Variants in RNF180 observed in about 807,000 individuals in gnomAD.
RNF180 encodes the protein E3 ubiquitin-protein ligase RNF180.
Under a neutral mutation model 59.2 loss-of-function variants are expected in RNF180, and 38 were observed. The observed-to-expected ratio is 0.64, with a 90% CI of 0.50 to 0.84. RNF180 has a LOEUF of 0.84. RNF180 is among the 40% of genes least tolerant of loss of function. RNF180 has a pLI of 0.00. For missense variants in RNF180, 705 were observed against 700.9 expected (o/e 1.01, Z -0.07); for synonymous variants, 262 against 240.3 (o/e 1.09, Z -0.84).
rs1424583091 is a variant in RNF180 at position 64,177,526 on chromosome 5, C to CATACATATAT, written c.-1+11576_-1+11577insCATATATATA. Reference sequence around the variant, plus strand: ...TTTTTTTCAAAGGCATAAATTATGCCATATATATATATATATATATATATA... The same window carrying CATACATATAT: ...TTTTTTTCAAAGGCATAAATTATGCCATACATATATATATATATATATATATATATATATA... On this transcript the variant is annotated intron_variant, in intron 1 of 7. Transcript: ENST00000389100. Among the ~76,000 whole-genome samples, 6 of 105,238 alleles carry CATACATATAT rather than the reference C, an allele frequency of 5.7e-5. No homozygotes were observed. In the East Asian group the frequency reaches 2.4e-3, roughly 42 times the overall value. 69.0% of individuals were successfully genotyped at this position (105,238 alleles called of 152,430 possible).
At chr5:64,276,646 C>T (rs897220860) in intron 5 of RNF180, among the ~76,000 whole-genome samples, 2 of 151,704 alleles carry the variant, frequency 1.3e-5, no homozygotes, top group African/African-American at 4.8e-5. Context: ...TGGGATTTCT[C>T]ACCTACCTAG....
At chr5:64,312,906 G>C (rs1743844441) in intron 5 of RNF180, among the ~76,000 whole-genome samples, 2 of 152,110 alleles carry the variant, frequency 1.3e-5, no homozygotes, top group Middle Eastern at 3.2e-3. Flanking sequence ...CTAATGCGCT[G>C]TAAATAAAAG....
Position 64,320,951 on chromosome 5 carries a change from T to A in RNF180, c.1228-4235T>A, listed in dbSNP as rs552326853. 3.4e-3 allele frequency among the ~76,000 whole-genome samples: 515 copies of A among 151,674 alleles called. 2 individuals carry two copies. Among genetic ancestry groups the A allele is most frequent in the African/African-American group, 0.011 (467 of 41,334 alleles). ...CACTCGGGAGGCTGAGGCAGGAGAA[T>A]GGCATGAACCCGGGAGGCGGAGCTT... On this transcript the variant is annotated intron_variant, in intron 5 of 7. Transcript: ENST00000389100.
At chr5:64,352,577 G>C (rs1404946884) in intron 7 of RNF180, among the ~76,000 whole-genome samples, 1 of 151,970 alleles carries the variant, frequency 6.6e-6, no homozygotes, top group Non-Finnish European at 1.5e-5. Context: ...CTTTAAATGT[G>C]TCCCAGAGAT....
chr5:64,325,091 CA>C, intron 5 of RNF180, 94 bp from the exon 6 acceptor site: 1 of 736,104 alleles, frequency 1.4e-6, no homozygotes, highest in Non-Finnish European at 2.3e-6. Flanking sequence ...ATATGCTTCT[CA>C]AATATTTTTG....
intron 5 of RNF180, among the ~76,000 whole-genome samples, chr5:64,266,395 A>G (rs1352813012): frequency 1.4e-5 from 2 of 140,462 alleles, no homozygotes; most frequent in Admixed American, 7.1e-5. Context: ...GGTTATAACT[A>G]TAATAGTTAT....
At chr5:64,336,596 G>A (rs1305965197) in intron 7 of RNF180, among the ~76,000 whole-genome samples, 1 of 152,104 alleles carries the variant, frequency 6.6e-6, no homozygotes, top group African/African-American at 2.4e-5. Context: ...TGTAAGGTTG[G>A]GAAAAATTAG....
intron 5 of RNF180, among the ~76,000 whole-genome samples, chr5:64,253,611 A>G (rs894509857): frequency 5.9e-5 from 9 of 152,108 alleles, no homozygotes; most frequent in African/African-American, 2.2e-4. Context: ...GCTTCATTCC[A>G]TTAAACTGTT....
intron 5 of RNF180, among the ~76,000 whole-genome samples, chr5:64,244,403 T>C (rs1336893941): frequency 7.1e-6 from 1 of 141,344 alleles, no homozygotes; most frequent in Non-Finnish European, 1.6e-5. Flanking sequence ...AATGACCTGA[T>C]GGAGCTGAAA....
At chr5:64,216,235 T>C (rs779325491) in intron 4 of RNF180, among the ~76,000 whole-genome samples, 1 of 152,134 alleles carries the variant, frequency 6.6e-6, no homozygotes, top group Non-Finnish European at 1.5e-5. Flanking sequence ...GATATAAGTA[T>C]ACATCGCAGT....
In RNF180 at chr5:64,371,541, T is replaced by G. The variant is rs1162769090; in HGVS notation, c.*1727T>G. 2.0e-5 allele frequency: 3 copies of G among 151,704 alleles called. No homozygotes were observed. The highest frequency in any genetic ancestry group is 4.8e-5 in the African/African-American group (2 of 41,526). 9.4% of individuals were successfully genotyped at this position (151,704 alleles called of 1,614,324 possible). A position where few individuals can be genotyped will look rare whatever the true frequency, so the allele number is the denominator to read the frequency against. ...GATCTCTCATAGGAACAAAGTTGAT[T>G]CCCAATATATATTTGTTAGGTCAGT... On this transcript the variant is annotated 3_prime_UTR_variant, in exon 8 of 8. Coordinates refer to ENST00000389100, the MANE Select transcript of RNF180 (RefSeq NM_001113561.2).
chr5:64,349,531 T>C (rs950076782), intron 7 of RNF180, among the ~76,000 whole-genome samples: 3 of 152,014 alleles, frequency 2.0e-5, no homozygotes, highest in Non-Finnish European at 4.4e-5. Context: ...GCTGCACCCA[T>C]TAACTCATCA....
At chr5:64,323,533 G>A (rs899525357) in intron 5 of RNF180, among the ~76,000 whole-genome samples, 1 of 151,234 alleles carries the variant, frequency 6.6e-6, no homozygotes, top group African/African-American at 2.5e-5. Flanking sequence ...GTAAGACTCG[G>A]TGTCAAAATA....
chr5:64,264,644 G>T (rs1173353539), intron 5 of RNF180, among the ~76,000 whole-genome samples: 2 of 152,118 alleles, frequency 1.3e-5, no homozygotes, highest in African/African-American at 4.8e-5. Context: ...TGGGCATTTG[G>T]GTTGGTTCCA....
At chr5:64,207,145 TA>T (rs1405956405) in intron 2 of RNF180, among the ~76,000 whole-genome samples, 1 of 151,868 alleles carries the variant, frequency 6.6e-6, no homozygotes, top group Non-Finnish European at 1.5e-5. Context: ...ATTTATAACT[TA>T]ATAGTGAAAT....
intron 4 of RNF180, among the ~76,000 whole-genome samples, chr5:64,216,645 A>C (rs1752645175): frequency 6.6e-6 from 1 of 152,200 alleles, no homozygotes; most frequent in South Asian, 2.1e-4. Context: ...ATGACAGTAC[A>C]GAAAGTTATT....
At chr5:64,187,135 G>T (rs1310559202) in intron 1 of RNF180, among the ~76,000 whole-genome samples, 2 of 152,116 alleles carry the variant, frequency 1.3e-5, no homozygotes, top group African/African-American at 4.8e-5. Flanking sequence ...GGGCATTCAA[G>T]ACTAAGTGCC....
chr5:64,251,896 C>G (rs77481382), intron 5 of RNF180, among the ~76,000 whole-genome samples: 13 of 152,080 alleles, frequency 8.5e-5, no homozygotes, highest in Non-Finnish European at 1.3e-4. Context: ...GGTGAAAGAT[C>G]TGCACACTGA....
chr5:64,243,413 C>T (rs1196410321), intron 5 of RNF180, among the ~76,000 whole-genome samples: 1 of 152,148 alleles, frequency 6.6e-6, no homozygotes, highest in Non-Finnish European at 1.5e-5. Context: ...GGGTGTCTGC[C>T]ATAACTGAGG....
Sources: allele counts gnomAD v4.1 joint callset (sites outside exome capture counted in the v4.1 genomes callset), GRCh38; gene constraint gnomAD v4.1.1; transcripts MANE v1.5; gene names NCBI Gene and HGNC (gene_info 2026-07-23, HGNC 2026-07-21).